VPS13A: variants seen among roughly 807,000 people sequenced by gnomAD.
The protein encoded by VPS13A is intermembrane lipid transfer protein VPS13A.
In VPS13A, 264 loss-of-function variants were observed where a neutral mutation model predicts 390.9. The ratio of observed to expected loss-of-function variants is 0.68; its 90% CI spans 0.61 to 0.75. The LOEUF (loss-of-function observed/expected upper bound fraction) is 0.75. Ranked by LOEUF, VPS13A falls within the 30% of genes least tolerant of loss-of-function variation. VPS13A has a pLI of 0.00. For synonymous variants in VPS13A, 1,231 were observed against 1,227.1 expected, an observed-to-expected ratio of 1.00 and a Z score of -0.07; for missense variants, 3,409 against 3,733.9, an observed-to-expected ratio of 0.91 and a Z score of 2.27.
chr9:77,283,422 G>T lies in VPS13A; in HGVS notation c.3186G>T (p.Gln1062His), dbSNP rs1373211496. ...TTTTAGCAGAATTATCGTGTTTACAGATCTTTATTCAAGATCAGAAATGTA... is the reference window on the plus strand; with the variant it reads ...TTTTAGCAGAATTATCGTGTTTACATATCTTTATTCAAGATCAGAAATGTA... Reference protein sequence around the residue: ...LQILAELSCLQIFIQDQKCNI... With the variant: ...LQILAELSCLHIFIQDQKCNI... The change falls in exon 30 of 72, where the codon CAG (glutamine) becomes CAT (histidine). Residue 1062 changes from glutamine (Q) to histidine (H), a missense_variant. Gln to His is a conservative substitution (Grantham distance 24). This residue lies in a region of VPS13A where 2,717 missense variants were observed against 2,917.4 expected (regional missense o/e 0.93). Transcript: ENST00000360280. 1 of 1,608,590 alleles carries T rather than the reference G, an allele frequency of 6.2e-7. No individual in the cohort carries two copies.
chr9:77,193,768 TC>T (rs1276095803), intron 1 of VPS13A, among the ~76,000 whole-genome samples: 2 of 152,244 alleles, frequency 1.3e-5, no homozygotes, highest in African/African-American at 4.8e-5. Context: ...GGGCTGATGT[TC>T]CTTTAATCTC....
At chr9:77,316,490 A>C in intron 39 of VPS13A, 84 bp downstream of exon 39, 1 of 1,122,518 alleles carries the variant, frequency 8.9e-7, no homozygotes, top group South Asian at 1.3e-5. Context: ...AACTACCTAC[A>C]TGCTTTCCAA....
At chr9:77,226,743 A>T in intron 15 of VPS13A, 145 bp downstream of exon 15, 1 of 695,488 alleles carries the variant, frequency 1.4e-6, no homozygotes. Context: ...CTATTAAAAC[A>T]TTGAAAATGT....
intron 23 of VPS13A, among the ~76,000 whole-genome samples, chr9:77,261,510 A>G (rs1825760423): frequency 6.6e-6 from 1 of 151,834 alleles, no homozygotes; most frequent in Non-Finnish European, 1.5e-5. Flanking sequence ...TATTCATAGG[A>G]TAAATTCCTA....
Position 77,340,281 on chromosome 9 carries a change from A to G in VPS13A, c.6878A>G (p.Gln2293Arg), listed in dbSNP as rs1830743065. 6.2e-7 allele frequency: 1 copy of G among 1,611,914 alleles called. No individual in the cohort carries two copies. The highest frequency in any genetic ancestry group is 1.3e-5 in the African/African-American group (1 of 74,868). ...VKCKGLKMDY[Q>R]VGVTIDLSSF... ...TGTAAAGGCCTGAAAATGGACTATCAAGTGAGTTCATTCTATGCTTATCAA... is the reference window on the plus strand; with the variant it reads ...TGTAAAGGCCTGAAAATGGACTATCGAGTGAGTTCATTCTATGCTTATCAA... The change falls in exon 49 of 72, where the codon CAA (glutamine) becomes CGA (arginine). Residue 2293 changes from glutamine (Q) to arginine (R), a missense_variant and splice_region_variant. By Grantham distance (43) the Gln-to-Arg change is conservative. Coordinates refer to ENST00000360280, the MANE Select transcript of VPS13A (RefSeq NM_033305.3).
intron 19 of VPS13A, among the ~76,000 whole-genome samples, chr9:77,240,504 T>A (rs1363283319): frequency 6.8e-6 from 1 of 147,660 alleles, no homozygotes; most frequent in Non-Finnish European, 1.5e-5. Flanking sequence ...TTTGACAGTG[T>A]CTTGTTCTGT....
chr9:77,318,647 CAG>C (rs1394184605), intron 41 of VPS13A, 56 bp downstream of exon 41: 3 of 1,337,308 alleles, frequency 2.2e-6, no homozygotes, highest in African/African-American at 1.4e-5. Context: ...AATATTATGA[CAG>C]ATAATGATAC....
chr9:77,352,289 A>G (rs764050576), intron 53 of VPS13A, among the ~76,000 whole-genome samples: 251 of 152,310 alleles, frequency 1.6e-3, no homozygotes, highest in Admixed American at 3.3e-3. Flanking sequence ...AAAAGTTTTT[A>G]ATCCTTCAAG....
intron 45 of VPS13A, among the ~76,000 whole-genome samples, chr9:77,325,083 C>G (rs1431865139): frequency 6.6e-6 from 1 of 152,158 alleles, no homozygotes; most frequent in East Asian, 1.9e-4. Flanking sequence ...TCATAAGAAC[C>G]AAAAATCAGG....
intron 6 of VPS13A, among the ~76,000 whole-genome samples, chr9:77,210,213 C>T (rs1201537874): frequency 8.0e-6 from 1 of 124,644 alleles, no homozygotes; most frequent in Non-Finnish European, 1.7e-5. Flanking sequence ...TTCTCTTCTC[C>T]TCTTCTCTCC....
At chr9:77,359,745 G>A (rs1175325499) in intron 58 of VPS13A, among the ~76,000 whole-genome samples, 1 of 151,098 alleles carries the variant, frequency 6.6e-6, no homozygotes, top group African/African-American at 2.4e-5. Flanking sequence ...TTGAACCCAG[G>A]AGGCAGAGCT....
intron 1 of VPS13A, among the ~76,000 whole-genome samples, chr9:77,196,600 C>G (rs1825017467): frequency 6.6e-6 from 1 of 151,910 alleles, no homozygotes; most frequent in Non-Finnish European, 1.5e-5. Flanking sequence ...CTGTGCCTGG[C>G]TTATTTCCCT....
intron 34 of VPS13A, among the ~76,000 whole-genome samples, chr9:77,303,818 T>C (rs1828535931): frequency 6.6e-6 from 1 of 152,192 alleles, no homozygotes; most frequent in Non-Finnish European, 1.5e-5. Flanking sequence ...GCAGCATTAC[T>C]GCAAACATGT....
chr9:77,340,690 T>C, intron 50 of VPS13A, 140 bp downstream of exon 50: 4 of 1,037,232 alleles, frequency 3.9e-6, no homozygotes, highest in Admixed American at 4.4e-5. Flanking sequence ...TATTGAATAT[T>C]TGTGCCCTGC....
chr9:77,331,737 T>C (rs1420870345), intron 45 of VPS13A, among the ~76,000 whole-genome samples: 7 of 152,000 alleles, frequency 4.6e-5, no homozygotes. Context: ...TTTAAACAAA[T>C]TAGTCCCTAT....
intron 22 of VPS13A, among the ~76,000 whole-genome samples, chr9:77,256,675 T>G (rs1825464129): frequency 6.6e-6 from 1 of 152,206 alleles, no homozygotes. Flanking sequence ...CTCTGATGTT[T>G]GGCACATATA....
intron 45 of VPS13A, among the ~76,000 whole-genome samples, chr9:77,328,306 G>A (rs1191339653): frequency 6.6e-6 from 1 of 152,140 alleles, no homozygotes; most frequent in African/African-American, 2.4e-5. Context: ...AAACAGATGT[G>A]CTTTCAAAGT....
intron 71 of VPS13A, among the ~76,000 whole-genome samples, chr9:77,408,217 A>G (rs1010414409): frequency 6.6e-6 from 1 of 152,236 alleles, no homozygotes; most frequent in African/African-American, 2.4e-5. Context: ...AATGAAGACT[A>G]TGAATTGACT....
In VPS13A at chr9:77,370,217, A is replaced by G. The variant is rs541710751; in HGVS notation, c.8668-40A>G. ...CGTAAGCTCATCTTTAAAAGTGAATATAACTCACTCACTCATTTATTTACT... is the reference window on the plus strand; with the variant it reads ...CGTAAGCTCATCTTTAAAAGTGAATGTAACTCACTCACTCATTTATTTACT... On this transcript the variant is annotated intron_variant, in intron 63 of 71. Transcript: ENST00000360280. The G allele has an allele frequency of 2.4e-5, 39 of 1,596,410 alleles. 1 individual carries two copies. In the Admixed American group the frequency reaches 6.3e-4, roughly 26 times the overall value.
Sources: gnomAD v4.1 joint callset for allele counts (sites outside exome capture counted in the v4.1 genomes callset) on GRCh38, gnomAD v4.1.1 for gene constraint, gnomAD v4.1.1 regional missense constraint, MANE v1.5 for transcripts, NCBI Gene and HGNC (gene_info 2026-07-23, HGNC 2026-07-21) for gene names.